The following CNTNAP2 variants were observed in gnomAD, a reference collection of about 807,000 sequenced individuals.
The protein encoded by CNTNAP2 is contactin-associated protein-like 2.
In CNTNAP2, 98 loss-of-function variants were observed where a neutral mutation model predicts 155.2. That is an observed-to-expected ratio of 0.63 (90% confidence interval 0.54 to 0.75). The LOEUF (loss-of-function observed/expected upper bound fraction) is 0.75, where lower values mean the gene tolerates loss of function less well. Ranked by LOEUF, CNTNAP2 falls within the 30% of genes least tolerant of loss-of-function variation. The pLI is 0.00. For synonymous variants in CNTNAP2, 651 were observed against 631.2 expected, an observed-to-expected ratio of 1.03 and a Z score of -0.47; for missense variants, 1,727 against 1,688.1, an observed-to-expected ratio of 1.02 and a Z score of -0.40.
At chr7:146,988,235 A>T (rs1798149151) in intron 3 of CNTNAP2, among the ~76,000 whole-genome samples, 1 of 152,126 alleles carries the variant, frequency 6.6e-6, no homozygotes, top group African/African-American at 2.4e-5. Context: ...TTTAATGTAG[A>T]ATATAACATT....
chr7:147,430,688 G>T (rs1283694429), intron 10 of CNTNAP2, among the ~76,000 whole-genome samples: 1 of 152,106 alleles, frequency 6.6e-6, no homozygotes. Flanking sequence ...ACATTATGAT[G>T]AGTCCAACTA....
At chr7:147,500,923 G>A (rs1269968946) in intron 11 of CNTNAP2, among the ~76,000 whole-genome samples, 2 of 151,884 alleles carry the variant, frequency 1.3e-5, no homozygotes, top group South Asian at 2.1e-4. Flanking sequence ...TCCAGACTAG[G>A]AGACTACAAT....
chr7:147,204,091 C>T (rs571960408), intron 8 of CNTNAP2, among the ~76,000 whole-genome samples: 48 of 151,518 alleles, frequency 3.2e-4, no homozygotes, highest in Non-Finnish European at 5.3e-4. Flanking sequence ...ATAAAAATTT[C>T]AAAAAGACTT....
At chr7:147,911,971 G>T (rs1189322490) in intron 14 of CNTNAP2, among the ~76,000 whole-genome samples, 4 of 151,714 alleles carry the variant, frequency 2.6e-5, no homozygotes, top group African/African-American at 7.3e-5. Flanking sequence ...CTCCTGATTT[G>T]GTTTCTAAAA....
At chr7:147,785,121 G>A (rs1695016337) in intron 13 of CNTNAP2, among the ~76,000 whole-genome samples, 1 of 152,150 alleles carries the variant, frequency 6.6e-6, no homozygotes, top group Non-Finnish European at 1.5e-5. Context: ...CTCAAGAGGA[G>A]GTCTTGATGA....
chr7:146,155,441 T>C (rs754195232), intron 1 of CNTNAP2, among the ~76,000 whole-genome samples: 4 of 152,202 alleles, frequency 2.6e-5, no homozygotes, highest in Middle Eastern at 3.4e-3. Flanking sequence ...TCATACAATT[T>C]TATTCGTATA....
At chr7:147,586,165 A>C (rs1800615078) in intron 12 of CNTNAP2, among the ~76,000 whole-genome samples, 1 of 152,180 alleles carries the variant, frequency 6.6e-6, no homozygotes. Flanking sequence ...AAGAGAAAGC[A>C]ATGTCTGGGT....
intron 22 of CNTNAP2, among the ~76,000 whole-genome samples, chr7:148,386,491 G>A (rs1730420): frequency 0.31 from 47,217 of 152,060 alleles, 8,036 homozygotes; most frequent in Non-Finnish European, 0.39. Flanking sequence ...TGGTGCCACT[G>A]CAAGACTCTG....
chr7:147,740,576 G>T (rs544577892), intron 13 of CNTNAP2, among the ~76,000 whole-genome samples: 1 of 152,194 alleles, frequency 6.6e-6, no homozygotes, highest in East Asian at 1.9e-4. Context: ...TTAAGGTTCA[G>T]TTAGTCCAAG....
At chr7:147,260,933 A>G (rs1804450884) in intron 8 of CNTNAP2, among the ~76,000 whole-genome samples, 1 of 152,202 alleles carries the variant, frequency 6.6e-6, no homozygotes, top group Admixed American at 6.5e-5. Context: ...AGCTCCAACA[A>G]TCAGCGTTAT....
At chr7:146,384,235 C>T (rs1795430044) in intron 1 of CNTNAP2, among the ~76,000 whole-genome samples, 1 of 152,178 alleles carries the variant, frequency 6.6e-6, no homozygotes, top group South Asian at 2.1e-4. Flanking sequence ...GAAAAATTAG[C>T]AAAGTTAATG....
At chr7:146,740,969 G>A (rs548425050) in intron 1 of CNTNAP2, among the ~76,000 whole-genome samples, 17 of 152,290 alleles carry the variant, frequency 1.1e-4, no homozygotes, top group Admixed American at 7.8e-4. Flanking sequence ...TATAGGCTCA[G>A]TCTGCTGGTA....
intron 11 of CNTNAP2, among the ~76,000 whole-genome samples, chr7:147,509,205 T>A (rs1798971526): frequency 6.6e-6 from 1 of 152,168 alleles, no homozygotes; most frequent in South Asian, 2.1e-4. Context: ...CATTGTATCA[T>A]CCCAAATCTG....
In CNTNAP2 at chr7:146,698,532, T is replaced by A. The variant is rs923219508; in HGVS notation, c.98-75739T>A. ...TTGGCTTCCTCCACCCCTTCTTGGC[T>A]TCTTTGAAGATTTTCTTCTTGTTTG... On this transcript the variant is annotated intron_variant, in intron 1 of 23. Transcript: ENST00000361727. Among the ~76,000 whole-genome samples the A allele has an allele frequency of 1.1e-4, 16 of 152,270 alleles. No homozygotes were observed. In the East Asian group the frequency reaches 2.5e-3, roughly 24 times the overall value.
At chr7:148,340,882 C>A (rs1014136851) in intron 21 of CNTNAP2, among the ~76,000 whole-genome samples, 4 of 152,136 alleles carry the variant, frequency 2.6e-5, no homozygotes, top group South Asian at 2.1e-4. Flanking sequence ...TTACTTTTTC[C>A]AGAAACAGAG....
intron 15 of CNTNAP2, among the ~76,000 whole-genome samples, chr7:148,003,558 AG>A (rs1243905123): frequency 1.3e-5 from 2 of 152,226 alleles, no homozygotes; most frequent in Non-Finnish European, 2.9e-5. Context: ...AGAATCGGAG[AG>A]GGCACCAGAG....
intron 2 of CNTNAP2, among the ~76,000 whole-genome samples, chr7:146,825,526 A>G (rs1803383486): frequency 6.6e-6 from 1 of 152,178 alleles, no homozygotes; most frequent in Non-Finnish European, 1.5e-5. Context: ...ATTTAACCAT[A>G]TTGATCTTGA....
At chr7:147,198,620 G>T (rs924640030) in intron 8 of CNTNAP2, among the ~76,000 whole-genome samples, 16 of 152,290 alleles carry the variant, frequency 1.1e-4, no homozygotes, top group Admixed American at 6.5e-4. Flanking sequence ...CATCACTGCT[G>T]TTTTGTTGTT....
At chr7:146,836,426 C>G (rs1177801688) in intron 2 of CNTNAP2, among the ~76,000 whole-genome samples, 1 of 151,960 alleles carries the variant, frequency 6.6e-6, no homozygotes, top group East Asian at 1.9e-4. Flanking sequence ...TCTACAAAGC[C>G]AAAAATACAT....
Sources: allele counts gnomAD v4.1 joint callset (sites outside exome capture counted in the v4.1 genomes callset), GRCh38; gene constraint gnomAD v4.1.1; transcripts MANE v1.5; gene names NCBI Gene and HGNC (gene_info 2026-07-23, HGNC 2026-07-21).